SBNO1: variants seen among roughly 807,000 people sequenced by gnomAD.
SBNO1 encodes protein strawberry notch homolog 1.
SBNO1 carries 23 observed loss-of-function variants against 173.6 expected under a neutral mutation model. The ratio of observed to expected loss-of-function variants is 0.13; its 90% CI spans 0.10 to 0.19. The LOEUF is 0.19. Ranked by LOEUF, SBNO1 falls within the 10% of genes least tolerant of loss-of-function variation. The pLI is 1.00. For synonymous variants in SBNO1, 632 were observed against 571.5 expected (o/e 1.11, Z -1.51); for missense variants, 1,238 against 1,671.2 (o/e 0.74, Z 4.52).
chr12:123,323,136 A>AT (rs1339848357), intron 16 of SBNO1, among the ~76,000 whole-genome samples: 1 of 152,208 alleles, frequency 6.6e-6, no homozygotes, highest in African/African-American at 2.4e-5. Context: ...ATATGGTAGA[A>AT]TGTATATAGC....
intron 3 of SBNO1, among the ~76,000 whole-genome samples, chr12:123,347,214 T>C (rs1229880058): frequency 6.6e-6 from 1 of 152,130 alleles, no homozygotes; most frequent in East Asian, 1.9e-4. Context: ...TTATTTTTTA[T>C]TAATTATGCT....
intron 29 of SBNO1, among the ~76,000 whole-genome samples, chr12:123,303,574 G>A (rs756873957): frequency 4.6e-5 from 7 of 152,204 alleles, no homozygotes; most frequent in Non-Finnish European, 1.0e-4. Context: ...ACTTGAACCC[G>A]GGAGGCGGAG....
intron 5 of SBNO1, among the ~76,000 whole-genome samples, chr12:123,337,103 T>C (rs1401835558): frequency 6.6e-6 from 1 of 152,208 alleles, no homozygotes; most frequent in African/African-American, 2.4e-5. Flanking sequence ...TCTCCACAGA[T>C]GCAATCGTGA....
rs752449670 is a variant in SBNO1, at chr12:123,295,849, T to C, written c.*59A>G. 1 of 1,573,356 alleles carries C rather than the reference T, an allele frequency of 6.4e-7. No homozygotes were observed. Among genetic ancestry groups the C allele is most frequent in the Non-Finnish European group, 8.6e-7 (1 of 1,158,980 alleles). ...CTTTGGAAACTGTCCCTGATTTTTATGCAAATGATATGCTTCAACAGCATT... is the reference window on the plus strand; with the variant it reads ...CTTTGGAAACTGTCCCTGATTTTTACGCAAATGATATGCTTCAACAGCATT... On this transcript the variant is annotated 3_prime_UTR_variant, in exon 32 of 32. Coordinates refer to ENST00000602398, the MANE Select transcript of SBNO1 (RefSeq NM_001167856.3).
chr12:123,349,010 C>T (rs1873566822), intron 2 of SBNO1: 1 of 142,644 alleles, frequency 7.0e-6, no homozygotes, highest in Admixed American at 7.2e-5. Context: ...TAAGGCTAGT[C>T]AGGTGAAGCA....
intron 7 of SBNO1, among the ~76,000 whole-genome samples, chr12:123,332,491 C>T (rs1215993069): frequency 6.6e-6 from 1 of 152,094 alleles, no homozygotes; most frequent in Non-Finnish European, 1.5e-5. Flanking sequence ...AGGGTTTCAC[C>T]ATGTTGGCCA....
intron 1 of SBNO1, among the ~76,000 whole-genome samples, chr12:123,351,174 T>C (rs1273988093): frequency 2.6e-5 from 4 of 151,784 alleles, no homozygotes; most frequent in Non-Finnish European, 4.4e-5. Flanking sequence ...AACAAGGGTA[T>C]GGAAGCTCAG....
chr12:123,350,762 A>G (rs2139075652), intron 1 of SBNO1, among the ~76,000 whole-genome samples: 1 of 152,344 alleles, frequency 6.6e-6, no homozygotes, highest in East Asian at 1.9e-4. Flanking sequence ...AGCATCAGGG[A>G]ATCATCAGGT....
intron 1 of SBNO1, among the ~76,000 whole-genome samples, chr12:123,351,971 C>A (rs749393740): frequency 3.3e-5 from 5 of 151,734 alleles, no homozygotes; most frequent in Non-Finnish European, 5.9e-5. Flanking sequence ...ATGGAGTTTG[C>A]CGGGGTGGGG....
intron 29 of SBNO1, among the ~76,000 whole-genome samples, chr12:123,304,195 T>C (rs1324307988): frequency 1.3e-5 from 2 of 152,050 alleles, no homozygotes; most frequent in Admixed American, 6.6e-5. Flanking sequence ...CCTCCCAAAG[T>C]ACTAAGATTA....
intron 1 of SBNO1, chr12:123,363,931 C>G (rs1875735140): frequency 1.0e-6 from 1 of 985,464 alleles, no homozygotes; most frequent in Non-Finnish European, 1.2e-6. Context: ...AAACCGACCC[C>G]AAACCACTTC....
At chr12:123,324,324 CTTTTTT>C (rs61618485) in intron 15 of SBNO1, among the ~76,000 whole-genome samples, 4 of 117,574 alleles carry the variant, frequency 3.4e-5, no homozygotes, top group Admixed American at 8.7e-5. Flanking sequence ...TTGCTTTTTT[CTTTTTT>C]TTTTTTTTTT....
chr12:123,363,842 G>C, intron 1 of SBNO1: 5 of 985,228 alleles, frequency 5.1e-6, no homozygotes, highest in Non-Finnish European at 6.0e-6. Context: ...GCAGGGGTGG[G>C]AAGGGGAGGA....
chr12:123,303,898 T>C (rs1479031853), intron 29 of SBNO1, among the ~76,000 whole-genome samples: 1 of 149,982 alleles, frequency 6.7e-6, no homozygotes, highest in African/African-American at 2.4e-5. Flanking sequence ...TTAAACAATT[T>C]CAATATATTA....
intron 21 of SBNO1, among the ~76,000 whole-genome samples, chr12:123,316,244 G>A (rs1030377212): frequency 2.6e-5 from 4 of 152,120 alleles, no homozygotes; most frequent in African/African-American, 9.7e-5. Context: ...TTTTGTTGTT[G>A]TTAGAGTTTC....
In SBNO1 at chr12:123,327,503, T is replaced by C. The variant is rs1371790901; in HGVS notation, c.1615A>G (p.Thr539Ala). The change falls in exon 13 of 32, where the codon ACT (threonine) becomes GCT (alanine). Residue 539 changes from threonine to alanine, a missense_variant. Thr to Ala is a moderately conservative substitution (Grantham distance 58, BLOSUM62 0). Around this residue, in one of 14 missense-constraint regions of SBNO1, gnomAD observed 182 missense variants for 339.9 expected, o/e 0.54. Transcript: ENST00000602398. ...TCCTCAATTTTGAAGGTCACTCCAG[T>C]AAAGCTCAGTTGTCGAGCAATGTAC... ...GMYIARQLSF[T>A]GVTFKIEEVL... is the part of the protein sequence containing the mutation. 6.2e-7 allele frequency: 1 copy of C among 1,613,872 alleles called. No homozygotes were observed.
rs761925144 is a variant in SBNO1 at position 123,304,600 on chromosome 12, T to C, written c.3750A>G (p.Leu1250=). ...AAAATACCTTCTTATATTTCTTTTT[T>C]AGATCAGCATAAATTTCTAATTTGA... ...KQLKLEIYAD[L]KKKYKKVVSD... is the part of the protein sequence containing the mutation. Residue 1250 remains leucine (L), a synonymous_variant, in exon 29 of 32, where the codon CTA becomes CTG. Coordinates refer to ENST00000602398, the MANE Select transcript of SBNO1 (RefSeq NM_001167856.3). 2 of 1,556,308 alleles carry C rather than the reference T, an allele frequency of 1.3e-6. No homozygotes were observed. The highest frequency in any genetic ancestry group is 2.2e-5 in the South Asian group (2 of 89,218).
intron 5 of SBNO1, among the ~76,000 whole-genome samples, chr12:123,336,702 T>G (rs1871887673): frequency 6.6e-6 from 1 of 152,234 alleles, no homozygotes; most frequent in African/African-American, 2.4e-5. Flanking sequence ...CTCTGTCTCT[T>G]ACCCACAAAT....
chr12:123,346,613 G>A (rs535656847), intron 3 of SBNO1, among the ~76,000 whole-genome samples: 1 of 152,214 alleles, frequency 6.6e-6, no homozygotes, highest in East Asian at 1.9e-4. Flanking sequence ...GCAGTGCGCC[G>A]AGATCGCGCC....
Sources: allele counts gnomAD v4.1 joint callset (sites outside exome capture counted in the v4.1 genomes callset), GRCh38; gene constraint gnomAD v4.1.1; regional missense constraint gnomAD v4.1.1; transcripts MANE v1.5; gene names NCBI Gene and HGNC (gene_info 2026-07-23, HGNC 2026-07-21).